Variants in NUP93 observed in about 807,000 individuals in gnomAD.
NUP93 encodes nucleoporin 93, also known as nuclear pore complex protein Nup93.
A neutral mutation model predicts 107.8 loss-of-function variants in NUP93; 55 were observed. The observed-to-expected ratio is 0.51, with a 90% CI of 0.41 to 0.64. The LOEUF is 0.64. NUP93 is among the 30% of genes least tolerant of loss of function. The probability of loss-of-function intolerance (pLI) is 0.00; values close to 1 mark genes in which losing one functional copy is unlikely to be tolerated. For synonymous variants in NUP93, 390 were observed against 397.5 expected, an observed-to-expected ratio of 0.98 and a Z score of 0.22; for missense variants, 937 against 1,044.7, an observed-to-expected ratio of 0.90 and a Z score of 1.42.
chr16:56,804,028 C>T (rs1963079213), intron 4 of NUP93, among the ~76,000 whole-genome samples: 2 of 152,228 alleles, frequency 1.3e-5, no homozygotes, highest in East Asian at 1.9e-4. Flanking sequence ...GCTGGGATTA[C>T]AGGGATGAGC....
At chr16:56,730,865 G>A (rs1470309867) in intron 1 of NUP93, among the ~76,000 whole-genome samples, 1 of 152,212 alleles carries the variant, frequency 6.6e-6, no homozygotes, top group Non-Finnish European at 1.5e-5. Flanking sequence ...AAGTATGAAA[G>A]ACACGTTGAC....
chr16:56,771,087 A>G (rs1002545932), intron 3 of NUP93, among the ~76,000 whole-genome samples: 9 of 152,134 alleles, frequency 5.9e-5, no homozygotes, highest in African/African-American at 1.9e-4. Flanking sequence ...CCCTCAAACT[A>G]TTTGGAAGGC....
chr16:56,733,707 A>T (rs1319477276), intron 1 of NUP93, among the ~76,000 whole-genome samples: 2 of 152,110 alleles, frequency 1.3e-5, no homozygotes, highest in Non-Finnish European at 2.9e-5. Context: ...GGACATAGAG[A>T]TATGAGAATC....
Position 56,783,465 on chromosome 16 carries a change from A to T in NUP93, c.298-15011A>T, listed in dbSNP as rs1962557276. The T allele has an allele frequency of 1.0e-5, 10 of 985,356 alleles. No homozygotes were observed. The South Asian group carries it at 4.7e-4, about 46-fold the overall frequency. 61.0% of individuals were successfully genotyped at this position (985,356 alleles called of 1,614,324 possible). On this transcript the variant is annotated intron_variant, in intron 3 of 21. Transcript: ENST00000308159. ...TCTGACCCAGTGCAGCATTGCAAAGAATCGATTTCTGAGATGAGACAATGA... is the reference window on the plus strand; with the variant it reads ...TCTGACCCAGTGCAGCATTGCAAAGTATCGATTTCTGAGATGAGACAATGA...
chr16:56,755,674 A>G (rs1307613247), intron 2 of NUP93, among the ~76,000 whole-genome samples: 2 of 151,952 alleles, frequency 1.3e-5, no homozygotes, highest in Admixed American at 6.6e-5. Context: ...CTGGAGTTCA[A>G]CCCCAGCTTG....
intron 2 of NUP93, among the ~76,000 whole-genome samples, chr16:56,757,857 G>A (rs1567378050): frequency 6.6e-6 from 1 of 152,132 alleles, no homozygotes; most frequent in Non-Finnish European, 1.5e-5. Context: ...CATGAATGAC[G>A]TTTATACTAG....
rs559483372 is a variant in NUP93, at chr16:56,783,734, A to G, written c.298-14742A>G. 5.1e-6 allele frequency: 5 copies of G among 985,412 alleles called. No homozygotes were observed. In the Admixed American group the frequency reaches 1.8e-4, roughly 36 times the overall value. 61.0% of individuals were successfully genotyped at this position (985,412 alleles called of 1,614,324 possible). On this transcript the variant is annotated intron_variant, in intron 3 of 21. Coordinates refer to ENST00000308159, the MANE Select transcript of NUP93 (RefSeq NM_014669.5). ...GTATTCTGAAGGCAGCTGCAAGGCC[A>G]TTTCATTTACATTAGGTTCCATGGC...
At position 56,748,207 on chromosome 16, in the gene NUP93, G is replaced by A. The variant is rs369920716; in HGVS notation, c.-14-27G>A. The A allele has an allele frequency of 5.1e-5, 76 of 1,495,654 alleles. No homozygotes were observed. In the African/African-American group the frequency reaches 9.2e-4, roughly 18 times the overall value. The allele number at this position is 1,495,654 out of a possible 1,614,324, so 92.6% of individuals were successfully genotyped here. On this transcript the variant is annotated intron_variant, in intron 1 of 21. Coordinates refer to ENST00000308159, the MANE Select transcript of NUP93 (RefSeq NM_014669.5). ...TGAAACCTGTCTTTCCCTTGATTTA[G>A]ATCTTTTCATTTTTTCTCCCATCTA... is the stretch of plus-strand genomic sequence containing the variant.
chr16:56,761,417 T>C (rs1013427871), intron 3 of NUP93, among the ~76,000 whole-genome samples: 7 of 152,246 alleles, frequency 4.6e-5, no homozygotes, highest in Non-Finnish European at 1.0e-4. Flanking sequence ...TTGGACATTT[T>C]CAGTGATTTG....
chr16:56,834,429 T>G lies in NUP93; in HGVS notation c.1724T>G (p.Ile575Ser). ...MFLRCVSELVIESREFDMILG... is the reference protein window; with the variant it reads ...MFLRCVSELVSESREFDMILG... Reference sequence around the variant, plus strand: ...CTGCGCTGTGTGAGTGAGCTTGTGATTGAAAGCCGAGAGGTGAGTGGGTTT... The same window carrying G: ...CTGCGCTGTGTGAGTGAGCTTGTGAGTGAAAGCCGAGAGGTGAGTGGGTTT... Residue 575 changes from isoleucine to serine, a missense_variant, in exon 15 of 22, where the codon ATT becomes AGT. Coordinates refer to ENST00000308159, the MANE Select transcript of NUP93 (RefSeq NM_014669.5). The G allele has an allele frequency of 6.2e-7, 1 of 1,614,230 alleles. No individual in the cohort carries two copies. The highest frequency in any genetic ancestry group is 8.5e-7 in the Non-Finnish European group (1 of 1,180,032).
intron 3 of NUP93, among the ~76,000 whole-genome samples, chr16:56,791,908 T>C (rs150113641): frequency 3.5e-4 from 54 of 152,114 alleles, no homozygotes; most frequent in African/African-American, 1.3e-3. Context: ...AAGCAATGAG[T>C]TCAAGCTTTT....
At chr16:56,834,105 C>G in intron 13 of NUP93, 23 bp from the exon 14 acceptor site, 2 of 1,613,600 alleles carry the variant, frequency 1.2e-6, no homozygotes, top group Non-Finnish European at 1.7e-6. Context: ...TGGTTGTGAC[C>G]CATTCTGACC....
intron 3 of NUP93, among the ~76,000 whole-genome samples, chr16:56,779,877 T>A (rs1468948541): frequency 6.6e-6 from 1 of 152,168 alleles, no homozygotes; most frequent in Non-Finnish European, 1.5e-5. Context: ...ATGTATCCCT[T>A]GGGAACAGGT....
rs752375120 is a variant in NUP93 at position 56,839,503 on chromosome 16, G to GGTGGTT, written c.2137-15_2137-10dup. 4 of 1,591,912 alleles carry GGTGGTT rather than the reference G, an allele frequency of 2.5e-6. No individual in the cohort carries two copies. In the African/African-American group the frequency reaches 5.4e-5, roughly 22 times the overall value. On this transcript the variant is annotated splice_polypyrimidine_tract_variant and intron_variant, in intron 19 of 21. Transcript: ENST00000308159. ...TGTGATGGTTGTGTTACATGGGGCC[G>GGTGGTT]GTGGTTGTTTTAAACAGATCATTGA... is the stretch of plus-strand genomic sequence containing the variant.
intron 5 of NUP93, among the ~76,000 whole-genome samples, chr16:56,817,575 G>T (rs1963459228): frequency 6.6e-6 from 1 of 152,082 alleles, no homozygotes; most frequent in African/African-American, 2.4e-5. Context: ...GGGAACTTAA[G>T]AATTTACCTA....
intron 1 of NUP93, among the ~76,000 whole-genome samples, chr16:56,741,145 C>G (rs1488440723): frequency 6.6e-6 from 1 of 152,096 alleles, no homozygotes; most frequent in Non-Finnish European, 1.5e-5. Flanking sequence ...TAATTGTCTT[C>G]CAGAAGTTCT....
At chr16:56,798,905 G>GTATA (rs1455844905) in intron 4 of NUP93, among the ~76,000 whole-genome samples, 1 of 151,428 alleles carries the variant, frequency 6.6e-6, no homozygotes, top group East Asian at 1.9e-4. Flanking sequence ...AAGGGTAGCA[G>GTATA]TATATACTAG....
intron 3 of NUP93, among the ~76,000 whole-genome samples, chr16:56,795,894 G>A (rs1322348374): frequency 1.3e-5 from 2 of 152,058 alleles, no homozygotes; most frequent in African/African-American, 2.4e-5. Context: ...TGATCCACCC[G>A]CCTTGGCCTC....
intron 8 of NUP93, among the ~76,000 whole-genome samples, chr16:56,828,218 C>A (rs528158795): frequency 4.8e-4 from 53 of 109,982 alleles, no homozygotes; most frequent in African/African-American, 1.8e-3. Flanking sequence ...AAAAAAAGAT[C>A]ATTGTCATGA....
Sources: gnomAD v4.1 joint callset for allele counts (sites outside exome capture counted in the v4.1 genomes callset) on GRCh38, gnomAD v4.1.1 for gene constraint, MANE v1.5 for transcripts, NCBI Gene and HGNC (gene_info 2026-07-23, HGNC 2026-07-21) for gene names.